Variants in ESRRG observed in about 807,000 individuals in gnomAD.
ESRRG encodes the protein estrogen related receptor gamma, also known as estrogen-related receptor gamma.
Under a neutral mutation model 44.0 loss-of-function variants are expected in ESRRG, and 13 were observed. That is an observed-to-expected ratio of 0.30 (90% CI 0.19 to 0.47). ESRRG has a LOEUF of 0.47. ESRRG is among the 20% of genes least tolerant of loss of function. The probability of loss-of-function intolerance (pLI) is 1.00; values close to 1 mark genes in which losing one functional copy is unlikely to be tolerated. For missense variants in ESRRG, 395 were observed against 580.6 expected (o/e 0.68, Z 3.29); for synonymous variants, 215 against 214.6 (o/e 1.00, Z -0.02).
chr1:216,865,504 A>G (rs1169012623), intron 2 of ESRRG, among the ~76,000 whole-genome samples: 4 of 152,032 alleles, frequency 2.6e-5, no homozygotes, highest in Non-Finnish European at 5.9e-5. Flanking sequence ...CAAGCTTCCT[A>G]CCTGGCTTCA....
At chr1:217,120,036 C>T (rs1044469736) in intron 1 of ESRRG, among the ~76,000 whole-genome samples, 1 of 152,088 alleles carries the variant, frequency 6.6e-6, no homozygotes, top group African/African-American at 2.4e-5. Flanking sequence ...AGCTCACAGT[C>T]TAATAAAAAG....
upstream of ESRRG, among the ~76,000 whole-genome samples, chr1:217,093,783 CA>C (rs1224810711): frequency 1.2e-3 from 161 of 136,530 alleles, no homozygotes; most frequent in African/African-American, 3.1e-3. Flanking sequence ...ACCCCTGTCT[CA>C]AAAAAAAAAA....
In ESRRG at chr1:216,703,675, GTGTGTGTGTATGTT is replaced by G. The variant is rs1349823207; in HGVS notation, c.56+19555_56+19568del. Among the ~76,000 whole-genome samples the G allele has an allele frequency of 1.1e-3, 162 of 150,712 alleles. 2 individuals are homozygous for G. The highest frequency in any genetic ancestry group is 2.7e-3 in the African/African-American group (110 of 40,978). On this transcript the variant is annotated intron_variant, in intron 1 of 6. Transcript: ENST00000408911. ...GCTGGATAGATGTGTGTGTGTGTGT[GTGTGTGTGTATGTT>G]TGTGTGTGTATGTTTCTGTGTGTTT...
chr1:216,620,860 G>C (rs1042481962), intron 3 of ESRRG, among the ~76,000 whole-genome samples: 1 of 152,146 alleles, frequency 6.6e-6, no homozygotes, highest in African/African-American at 2.4e-5. Context: ...TAAGAAAATA[G>C]TTCAAGGCAA....
intron 1 of ESRRG, among the ~76,000 whole-genome samples, chr1:217,070,421 G>A (rs921923981): frequency 3.3e-5 from 5 of 149,808 alleles, no homozygotes; most frequent in African/African-American, 9.9e-5. Flanking sequence ...TCACACTATC[G>A]CCCAGGCTGG....
chr1:216,570,435 G>A (rs2060572319), intron 3 of ESRRG, among the ~76,000 whole-genome samples: 2 of 151,986 alleles, frequency 1.3e-5, no homozygotes, highest in Admixed American at 6.6e-5. Flanking sequence ...ATTTAATAAA[G>A]TTTAATGCCT....
chr1:217,024,356 TAAA>T (rs34483403), intron 1 of ESRRG, among the ~76,000 whole-genome samples: 1 of 142,768 alleles, frequency 7.0e-6, no homozygotes, highest in African/African-American at 2.6e-5. Flanking sequence ...AGAGTCCATT[TAAA>T]AAAAAAAAAA....
At chr1:216,949,686 C>T (rs1042999063) in intron 1 of ESRRG, among the ~76,000 whole-genome samples, 4 of 152,140 alleles carry the variant, frequency 2.6e-5, no homozygotes, top group South Asian at 4.1e-4. Flanking sequence ...TTTCTGTGAG[C>T]TTGTCTCTGT....
intron 1 of ESRRG, among the ~76,000 whole-genome samples, chr1:216,718,761 TTATAA>T (rs1228632841): frequency 1.3e-5 from 2 of 152,008 alleles, no homozygotes; most frequent in African/African-American, 4.8e-5. Context: ...TCATACGCAC[TTATAA>T]TAGATCAACA....
chr1:216,788,034 G>A (rs1197897905), intron 2 of ESRRG, among the ~76,000 whole-genome samples: 1 of 152,130 alleles, frequency 6.6e-6, no homozygotes, highest in South Asian at 2.1e-4. Flanking sequence ...TCACGCATTG[G>A]TTCATGAAGT....
intron 1 of ESRRG, among the ~76,000 whole-genome samples, chr1:217,038,506 T>C (rs1383155865): frequency 6.6e-6 from 1 of 152,222 alleles, no homozygotes; most frequent in Non-Finnish European, 1.5e-5. Flanking sequence ...GTAATCCTCA[T>C]GGAACCTGCC....
At chr1:216,844,593 C>T (rs1489746023) in intron 2 of ESRRG, among the ~76,000 whole-genome samples, 3 of 151,494 alleles carry the variant, frequency 2.0e-5, no homozygotes. Flanking sequence ...GGCCCTCTGC[C>T]TTAGGCATTC....
chr1:216,618,208 G>A (rs2061683195), intron 3 of ESRRG, among the ~76,000 whole-genome samples: 1 of 152,208 alleles, frequency 6.6e-6, no homozygotes, highest in South Asian at 2.1e-4. Context: ...GAATTTGAGA[G>A]TAAAATTACA....
intron 2 of ESRRG, among the ~76,000 whole-genome samples, chr1:216,667,078 C>G (rs1230815041): frequency 6.6e-6 from 1 of 152,306 alleles, no homozygotes; most frequent in Non-Finnish European, 1.5e-5. Flanking sequence ...AGATAGGCAC[C>G]AGGTCTTATG....
At chr1:216,669,510 T>C (rs949534503) in intron 2 of ESRRG, among the ~76,000 whole-genome samples, 1 of 152,230 alleles carries the variant, frequency 6.6e-6, no homozygotes, top group Non-Finnish European at 1.5e-5. Context: ...ATTTGGCAAC[T>C]TTAATGCATT....
intron 2 of ESRRG, among the ~76,000 whole-genome samples, chr1:216,731,273 TCA>T (rs1223673196): frequency 6.6e-6 from 1 of 152,234 alleles, no homozygotes; most frequent in Non-Finnish European, 1.5e-5. Flanking sequence ...TGAAGAATGG[TCA>T]CAGAGTTCCT....
chr1:216,620,574 G>A (rs544876053), intron 3 of ESRRG, among the ~76,000 whole-genome samples: 56 of 152,268 alleles, frequency 3.7e-4, no homozygotes, highest in African/African-American at 1.3e-3. Flanking sequence ...GCACTTTGGT[G>A]AGCTGGAGTC....
rs565254144 is a variant in ESRRG, at chr1:216,520,985, A to G, written c.863-1564T>C. On this transcript the variant is annotated intron_variant, in intron 5 of 6. Transcript: ENST00000408911. Reference sequence around the variant, plus strand: ...TATTGGTGAAAAACAGTGGTTTGCCATTTGGTACCATTAATTATAAGTGCT... The same window carrying G: ...TATTGGTGAAAAACAGTGGTTTGCCGTTTGGTACCATTAATTATAAGTGCT... Among the ~76,000 whole-genome samples the G allele has an allele frequency of 6.7e-4, 102 of 152,292 alleles. 1 individual carries two copies. Among genetic ancestry groups the G allele is most frequent in the South Asian group, 6.6e-3 (32 of 4,830 alleles).
intron 2 of ESRRG, among the ~76,000 whole-genome samples, chr1:216,752,172 A>C (rs2789730): frequency 0.69 from 104,200 of 152,046 alleles, 37,972 homozygotes; most frequent in South Asian, 0.88. Flanking sequence ...TGAGATGTAA[A>C]AGAGTTAAGT....
Sources: gnomAD v4.1 joint callset for allele counts (sites outside exome capture counted in the v4.1 genomes callset) on GRCh38, gnomAD v4.1.1 for gene constraint, MANE v1.5 for transcripts, NCBI Gene and HGNC (gene_info 2026-07-23, HGNC 2026-07-21) for gene names.